The following BRD3 variants were observed in gnomAD, a reference collection of about 807,000 sequenced individuals.
BRD3 encodes the protein bromodomain-containing protein 3.
BRD3 carries 17 observed loss-of-function variants against 66.8 expected under a neutral mutation model. The ratio of observed to expected loss-of-function variants is 0.25; its 90% confidence interval spans 0.17 to 0.38. The LOEUF is 0.38. Ranked by LOEUF, BRD3 falls within the 10% of genes least tolerant of loss-of-function variation. The pLI is 1.00. For synonymous variants in BRD3, 421 were observed against 393.2 expected (o/e 1.07, Z -0.84); for missense variants, 713 against 956.1 (o/e 0.75, Z 3.35).
At chr9:134,039,268 T>C (rs891246211) in intron 9 of BRD3, among the ~76,000 whole-genome samples, 10 of 152,238 alleles carry the variant, frequency 6.6e-5, no homozygotes, top group African/African-American at 2.4e-4. Flanking sequence ...CTCTCCTTCA[T>C]TTGCTTGAAA....
intron 1 of BRD3, among the ~76,000 whole-genome samples, chr9:134,066,462 G>C (rs906114111): frequency 2.0e-5 from 3 of 151,896 alleles, no homozygotes; most frequent in Non-Finnish European, 4.4e-5. Flanking sequence ...ACCTTCCTTA[G>C]ACCCCGTTGG....
intron 1 of BRD3, among the ~76,000 whole-genome samples, chr9:134,065,140 G>C (rs1184825443): frequency 2.6e-5 from 4 of 152,144 alleles, no homozygotes; most frequent in Non-Finnish European, 5.9e-5. Flanking sequence ...TAAGGGACCT[G>C]CTGGCTAGGC....
At chr9:134,063,095 C>T (rs577768752) in intron 1 of BRD3, among the ~76,000 whole-genome samples, 4 of 152,346 alleles carry the variant, frequency 2.6e-5, no homozygotes, top group South Asian at 2.1e-4. Flanking sequence ...TCAGCCATGC[C>T]GAGCCAGGAC....
upstream of BRD3, chr9:134,068,356 A>AT (rs1447744046): frequency 6.8e-6 from 1 of 148,130 alleles, no homozygotes; most frequent in Non-Finnish European, 1.5e-5. Context: ...CTGGCGGCGG[A>AT]TTTTCCGGTG....
At chr9:134,048,533 G>A in intron 5 of BRD3, 79 bp from the exon 6 acceptor site, 2 of 1,576,562 alleles carry the variant, frequency 1.3e-6, no homozygotes, top group Admixed American at 3.4e-5. Flanking sequence ...CGTTTCTGGG[G>A]CACTGTCTGC....
rs200612821 is a variant in BRD3 at position 134,040,168 on chromosome 9, G to C, written c.1509C>G (p.Asp503Glu). 13 of 1,563,502 alleles carry C rather than the reference G, an allele frequency of 8.3e-6. No homozygotes were observed. The highest frequency in any genetic ancestry group is 4.7e-5 in the East Asian group (2 of 42,228). The change falls in exon 9 of 12, where the codon GAC (aspartate) becomes GAG (glutamate). Residue 503 changes from aspartate (D) to glutamate (E), a missense_variant. By Grantham distance (45) the Asp-to-Glu change is conservative. Transcript: ENST00000303407. The part of the protein sequence containing the change: ...EKKEKEKKKK[D>E]KEKEKEKHKV... ...TGTGCTTCTCCTTCTCCTTCTCCTTGTCCTTCTTCTTCTTCTCCTTCTCCT... is the reference window on the plus strand; with the variant it reads ...TGTGCTTCTCCTTCTCCTTCTCCTTCTCCTTCTTCTTCTTCTCCTTCTCCT...
chr9:134,034,856 A>G, intron 10 of BRD3, 27 bp from the exon 11 acceptor site: 1 of 1,609,480 alleles, frequency 6.2e-7, no homozygotes, highest in Non-Finnish European at 8.5e-7. Context: ...GGGCACTCAG[A>G]CTGCAGAGCA....
In BRD3 at chr9:134,050,457, C is replaced by T; in HGVS notation, c.631G>A (p.Val211Ile). The change falls in exon 5 of 12, where the codon GTC (valine) becomes ATC (isoleucine). Residue 211 changes from valine to isoleucine, a missense_variant. Val to Ile is a conservative substitution (Grantham distance 29). Transcript: ENST00000303407. ...VPTITANVTS[V>I]PVPPAAAPPP... ...GGGGCGGCAGCTGGGGGGACTGGGA[C>T]CGACGTGACGTTTGCAGTGATGGTT... 2 of 1,612,114 alleles carry T rather than the reference C, an allele frequency of 1.2e-6. No individual in the cohort carries two copies. Among genetic ancestry groups the T allele is most frequent in the Non-Finnish European group, 1.7e-6 (2 of 1,179,516 alleles).
chr9:134,050,210 C>T (rs1437171046), intron 5 of BRD3, among the ~76,000 whole-genome samples, 164 bp downstream of exon 5: 1 of 152,240 alleles, frequency 6.6e-6, no homozygotes, highest in Non-Finnish European at 1.5e-5. Flanking sequence ...GTCTCCTCAT[C>T]TGTGTCAGTA....
chr9:134,036,519 GA>G (rs1454482936), intron 9 of BRD3, 195 bp from the exon 10 acceptor site: 1 of 1,603,380 alleles, frequency 6.2e-7, no homozygotes, highest in East Asian at 2.2e-5. Context: ...CCTTGGCCAG[GA>G]AACAATTACA....
At position 134,041,707 on chromosome 9, in the gene BRD3, G is replaced by C. The variant is rs2319419; in HGVS notation, c.1407+53C>G. ...AAAGGGACGGACCTTGGGCTGCTGT[G>C]CCAGCAATCCCGCCTCAGCCCCTGA... On this transcript the variant is annotated intron_variant, in intron 8 of 11. Transcript: ENST00000303407. 0.01 allele frequency: 16,336 copies of C among 1,575,624 alleles called. 1,350 individuals carry two copies. In the African/African-American group the frequency reaches 0.19, roughly 18 times the overall value.
In BRD3 at chr9:134,040,078, C is replaced by G. The variant is rs1204862006; in HGVS notation, c.1599G>C (p.Lys533Asn). 1 of 1,591,978 alleles carries G rather than the reference C, an allele frequency of 6.3e-7. No homozygotes were observed. Among genetic ancestry groups the G allele is most frequent in the Non-Finnish European group, 8.5e-7 (1 of 1,170,508 alleles). ...VAPPAKQAQQKKAPAKKANST... is the reference protein window; with the variant it reads ...VAPPAKQAQQNKAPAKKANST... Reference sequence around the variant, plus strand: ...TGTTGGCCTTCTTGGCAGGAGCCTTCTTCTGCTGAGCCTGCTTGGCAGGCG... The same window carrying G: ...TGTTGGCCTTCTTGGCAGGAGCCTTGTTCTGCTGAGCCTGCTTGGCAGGCG... Residue 533 changes from lysine (K) to asparagine (N), a missense_variant, in exon 9 of 12, where the codon AAG becomes AAC. This residue lies in a region of BRD3 where 418 missense variants were observed against 609.3 expected (regional missense o/e 0.69). Coordinates refer to ENST00000303407, the MANE Select transcript of BRD3 (RefSeq NM_007371.4).
intron 6 of BRD3, among the ~76,000 whole-genome samples, chr9:134,046,279 G>A (rs1269032230): frequency 1.3e-5 from 2 of 152,226 alleles, no homozygotes; most frequent in South Asian, 4.1e-4. Flanking sequence ...ACACTAGTTG[G>A]GGCAAAGAGA....
chr9:134,051,806 G>A (rs944702906), intron 3 of BRD3, 97 bp from the exon 4 acceptor site: 1 of 1,358,842 alleles, frequency 7.4e-7, no homozygotes, highest in Non-Finnish European at 9.8e-7. Flanking sequence ...TTTAAAATTT[G>A]TTAACAGATT....
intron 7 of BRD3, among the ~76,000 whole-genome samples, chr9:134,043,702 G>C (rs183747598): frequency 3.3e-5 from 5 of 152,078 alleles, no homozygotes; most frequent in Admixed American, 2.0e-4. Flanking sequence ...CTCAGTCATG[G>C]AAATCCATCA....
chr9:134,042,586 G>A (rs1460512356), intron 7 of BRD3, among the ~76,000 whole-genome samples: 2 of 151,842 alleles, frequency 1.3e-5, no homozygotes, highest in East Asian at 1.9e-4. Flanking sequence ...GCAGTGAGCC[G>A]AAATCATGCC....
chr9:134,068,224 C>T, upstream of BRD3: 1 of 145,874 alleles, frequency 6.9e-6, no homozygotes, highest in Non-Finnish European at 1.5e-5. Context: ...GCGGGCCTGG[C>T]CCGGGGGGCG....
intron 1 of BRD3, among the ~76,000 whole-genome samples, chr9:134,060,836 T>C (rs1257528808): frequency 6.6e-6 from 1 of 152,176 alleles, no homozygotes; most frequent in African/African-American, 2.4e-5. Flanking sequence ...CCTCTGGCCC[T>C]GAAGCTGTGG....
rs200522998 is a variant in BRD3 at position 134,034,799 on chromosome 9, G to A, written c.1967C>T (p.Ser656Leu). The A allele has an allele frequency of 6.2e-6, 10 of 1,612,098 alleles. No individual in the cohort carries two copies. Among genetic ancestry groups the A allele is most frequent in the South Asian group, 1.1e-5 (1 of 91,084 alleles). Residue 656 changes from serine to leucine, a missense_variant, in exon 11 of 12, where the codon TCG (serine) becomes TTG (leucine). By Grantham distance (145) the Ser-to-Leu change is moderately radical. Coordinates refer to ENST00000303407, the MANE Select transcript of BRD3 (RefSeq NM_007371.4). ...CTTTTCCTGAGCTAGCTCCTCTTTCGACTTGGCTGCCTGTTTCTTCCCGCT... is the reference window on the plus strand; with the variant it reads ...CTTTTCCTGAGCTAGCTCCTCTTTCAACTTGGCTGCCTGTTTCTTCCCGCT... Reference protein sequence around the residue: ...SASGKKQAAKSKEELAQEKKK... With the variant: ...SASGKKQAAKLKEELAQEKKK...
Sources: allele counts gnomAD v4.1 joint callset (sites outside exome capture counted in the v4.1 genomes callset), GRCh38; gene constraint gnomAD v4.1.1; regional missense constraint gnomAD v4.1.1; transcripts MANE v1.5; gene names NCBI Gene and HGNC (gene_info 2026-07-23, HGNC 2026-07-21).